RPS6KA2: variants seen among roughly 807,000 people sequenced by gnomAD.
RPS6KA2 encodes the protein ribosomal protein S6 kinase alpha-2.
A neutral mutation model predicts 91.8 loss-of-function variants in RPS6KA2; 42 were observed. That is an observed-to-expected ratio of 0.46 (90% CI 0.36 to 0.59). The LOEUF is 0.59. Ranked by LOEUF, RPS6KA2 falls within the 20% of genes least tolerant of loss-of-function variation. RPS6KA2 has a pLI of 0.00. For synonymous variants in RPS6KA2, 414 were observed against 393.6 expected, an observed-to-expected ratio of 1.05 and a Z score of -0.61; for missense variants, 798 against 978.5, an observed-to-expected ratio of 0.82 and a Z score of 2.46.
At chr6:166,463,889 T>G (rs1287627389) in intron 11 of RPS6KA2, among the ~76,000 whole-genome samples, 1 of 152,170 alleles carries the variant, frequency 6.6e-6, no homozygotes, top group Non-Finnish European at 1.5e-5. Context: ...CAGTGGCTCA[T>G]GGAGCGGGAC....
intron 10 of RPS6KA2, among the ~76,000 whole-genome samples, chr6:166,484,346 C>T (rs903263793): frequency 1.3e-5 from 2 of 152,178 alleles, no homozygotes; most frequent in African/African-American, 2.4e-5. Flanking sequence ...TACCTGTGGC[C>T]GGCCCAGCTG....
rs138108345 is a variant in RPS6KA2, at chr6:166,733,351, T to C, written c.123+124849A>G. On this transcript the variant is annotated intron_variant, in intron 2 of 21. Transcript: ENST00000503859. The surrounding 1 kb of genome is among the most constrained non-coding windows in gnomAD (Gnocchi z 4.1). ...GTGGTGTTGGCCGTCTTGATCAGTT[T>C]ATTATGTCTTGGAACTCATCCTTGA... 2.5e-3 allele frequency among the ~76,000 whole-genome samples: 387 copies of C among 152,300 alleles called. 3 individuals are homozygous for C. The highest frequency in any genetic ancestry group is 9.0e-3 in the African/African-American group (373 of 41,564).
In RPS6KA2 at chr6:166,733,128, CA is replaced by C. The variant is rs1284617164; in HGVS notation, c.123+125071del. On this transcript the variant is annotated intron_variant, in intron 2 of 21. Coordinates refer to the RPS6KA2 transcript ENST00000503859. This position sits in a 1 kb window ranked among gnomAD's most constrained non-coding sequence, Gnocchi z 4.1. The stretch of plus-strand genomic sequence containing the variant: ...GCCTACCCTGTACTCAGGGCCATGC[CA>C]AACCATTGCACATCATTTTGAGCCT... Among the ~76,000 whole-genome samples, 2 of 152,250 alleles carry C rather than the reference CA, an allele frequency of 1.3e-5. No individual in the cohort carries two copies. Among genetic ancestry groups the C allele is most frequent in the East Asian group, 3.9e-4 (2 of 5,176 alleles).
intron 14 of RPS6KA2, among the ~76,000 whole-genome samples, chr6:166,447,500 C>T (rs1455048645): frequency 1.3e-5 from 2 of 151,948 alleles, no homozygotes; most frequent in Non-Finnish European, 2.9e-5. Flanking sequence ...TTTCGGCTGG[C>T]GTCTTCTATG....
chr6:166,856,725 T>C (rs531807427), intron 2 of RPS6KA2, among the ~76,000 whole-genome samples: 10 of 152,308 alleles, frequency 6.6e-5, no homozygotes, highest in African/African-American at 2.4e-4. Flanking sequence ...GCCAGTCATT[T>C]CTCTGAGACC....
intron 2 of RPS6KA2, among the ~76,000 whole-genome samples, chr6:166,762,692 C>A (rs571157970): frequency 6.6e-6 from 1 of 152,110 alleles, no homozygotes; most frequent in African/African-American, 2.4e-5. Flanking sequence ...AACAGCTCCA[C>A]GGAGAAAGAA....
At chr6:166,690,539 C>T (rs952446398) in intron 2 of RPS6KA2, among the ~76,000 whole-genome samples, 41 of 152,210 alleles carry the variant, frequency 2.7e-4, no homozygotes, top group African/African-American at 8.2e-4. Context: ...GAAGAACTCC[C>T]TCTATGAGCT....
chr6:166,585,517 T>TTC (rs1785142495), intron 1 of RPS6KA2, among the ~76,000 whole-genome samples: 1 of 122,190 alleles, frequency 8.2e-6, no homozygotes, highest in Non-Finnish European at 1.5e-5. Flanking sequence ...TTTTTTTTTT[T>TTC]TTCCTTATTT....
chr6:166,808,852 G>A (rs1448743980), intron 2 of RPS6KA2, among the ~76,000 whole-genome samples: 1 of 152,182 alleles, frequency 6.6e-6, no homozygotes, highest in Non-Finnish European at 1.5e-5. Flanking sequence ...TGGATGTTGA[G>A]ACATTCATAA....
At chr6:166,719,721 A>G (rs1790118901) in intron 2 of RPS6KA2, among the ~76,000 whole-genome samples, 1 of 152,248 alleles carries the variant, frequency 6.6e-6, no homozygotes, top group African/African-American at 2.4e-5. Context: ...ACGGAGGGAT[A>G]GTCAATCTCA....
chr6:166,820,258 G>A (rs557811236), intron 2 of RPS6KA2, among the ~76,000 whole-genome samples: 5 of 152,028 alleles, frequency 3.3e-5, no homozygotes, highest in African/African-American at 4.8e-5. Context: ...CCCACCCACC[G>A]ACCAGCCTCC....
chr6:166,830,824 T>C (rs1780165965), intron 2 of RPS6KA2, among the ~76,000 whole-genome samples: 1 of 152,224 alleles, frequency 6.6e-6, no homozygotes, highest in South Asian at 2.1e-4. Flanking sequence ...GCCACAGCCT[T>C]CCGTCCTGGC....
chr6:166,438,358 C>T (rs1562493852), intron 14 of RPS6KA2, among the ~76,000 whole-genome samples: 2 of 152,166 alleles, frequency 1.3e-5, no homozygotes. Flanking sequence ...CACGTGAGTA[C>T]AGACTGGAGC....
In RPS6KA2 at chr6:166,627,143, G is replaced by T; in HGVS notation, c.-124C>A. On this transcript the variant is annotated 5_prime_UTR_variant, in exon 1 of 21. Coordinates refer to ENST00000265678, the MANE Select transcript of RPS6KA2 (RefSeq NM_021135.6). ...AGGGAGCCCGGCACGGCGGCCATGG[G>T]CGCGGGGCGTGGGGCGCGAGCTGCG... 1 of 1,131,972 alleles carries T rather than the reference G, an allele frequency of 8.8e-7. No homozygotes were observed. Among genetic ancestry groups the T allele is most frequent in the Non-Finnish European group, 1.1e-6 (1 of 924,224 alleles). 70.1% of individuals were successfully genotyped at this position (1,131,972 alleles called of 1,614,324 possible).
chr6:166,774,409 G>C (rs1032475999), intron 2 of RPS6KA2, among the ~76,000 whole-genome samples: 8 of 152,168 alleles, frequency 5.3e-5, no homozygotes, highest in African/African-American at 1.9e-4. Context: ...GTGGTGCTGT[G>C]GCTGGAGTGG....
chr6:166,738,695 G>A (rs1233459551), intron 2 of RPS6KA2, among the ~76,000 whole-genome samples: 9 of 152,264 alleles, frequency 5.9e-5, no homozygotes, highest in Non-Finnish European at 8.8e-5. Flanking sequence ...TAAAAACGAC[G>A]TCACTGGATA....
At chr6:166,762,811 A>G (rs534002825) in intron 2 of RPS6KA2, among the ~76,000 whole-genome samples, 147 of 152,318 alleles carry the variant, frequency 9.7e-4, no homozygotes, top group African/African-American at 3.4e-3. Context: ...GCCTTGCACC[A>G]CGAGATTTGA....
chr6:166,862,003 G>C (rs1024081001), intron 1 of RPS6KA2: 23 of 1,441,096 alleles, frequency 1.6e-5, no homozygotes, highest in Non-Finnish European at 2.0e-5. Flanking sequence ...ACCCATCATA[G>C]TCACCTAATG....
intron 11 of RPS6KA2, among the ~76,000 whole-genome samples, chr6:166,461,171 A>G (rs1780273963): frequency 6.6e-6 from 1 of 152,182 alleles, no homozygotes; most frequent in African/African-American, 2.4e-5. Flanking sequence ...GAGAAACAGG[A>G]TTGAATTCAG....
Sources: allele counts gnomAD v4.1 joint callset (sites outside exome capture counted in the v4.1 genomes callset), GRCh38; gene constraint gnomAD v4.1.1; non-coding constraint Gnocchi (gnomAD v3.1); transcripts MANE v1.5; gene names NCBI Gene and HGNC (gene_info 2026-07-23, HGNC 2026-07-21).